The following GLRA1 variants were observed in gnomAD, a reference collection of about 807,000 sequenced individuals.
GLRA1 encodes the protein glycine receptor subunit alpha-1.
Under a neutral mutation model 48.3 loss-of-function variants are expected in GLRA1, and 37 were observed. The observed-to-expected ratio is 0.77, with a 90% CI of 0.59 to 1.01. The LOEUF (loss-of-function observed/expected upper bound fraction) is 1.01. Ranked by LOEUF, GLRA1 falls within the 50% of genes least tolerant of loss-of-function variation. The probability of loss-of-function intolerance (pLI) is 0.00; values close to 1 mark genes in which losing one functional copy is unlikely to be tolerated. For synonymous variants in GLRA1, 196 were observed against 210.7 expected, an observed-to-expected ratio of 0.93 and a Z score of 0.60; for missense variants, 427 against 571.0, an observed-to-expected ratio of 0.75 and a Z score of 2.57.
chr5:151,849,122 T>TTC, intron 7 of GLRA1: 1 of 204,288 alleles, frequency 4.9e-6, no homozygotes, highest in Non-Finnish European at 8.4e-6. Flanking sequence ...CTTTCTTTCT[T>TTC]TCTTTCTTTC....
chr5:151,924,140 G>A (rs1754947920), intron 1 of GLRA1, among the ~76,000 whole-genome samples: 1 of 152,126 alleles, frequency 6.6e-6, no homozygotes, highest in African/African-American at 2.4e-5. Flanking sequence ...AACTCCTAAA[G>A]CTTCCCTTTA....
At chr5:151,824,347 C>T (rs758648040) in intron 8 of GLRA1, among the ~76,000 whole-genome samples, 24 of 151,830 alleles carry the variant, frequency 1.6e-4, no homozygotes, top group Admixed American at 4.6e-4. Context: ...CCATCTGAGT[C>T]GTTATAACAC....
At chr5:151,875,248 G>C (rs1753594485) in intron 3 of GLRA1, among the ~76,000 whole-genome samples, 1 of 151,912 alleles carries the variant, frequency 6.6e-6, no homozygotes, top group South Asian at 2.1e-4. Flanking sequence ...ATAGCTCACT[G>C]CATCCTTAAA....
chr5:151,863,852 G>A (rs1753265630), intron 3 of GLRA1, among the ~76,000 whole-genome samples: 1 of 151,760 alleles, frequency 6.6e-6, no homozygotes, highest in Non-Finnish European at 1.5e-5. Flanking sequence ...CAGTCTGTTT[G>A]CCTATAGAAA....
intron 1 of GLRA1, among the ~76,000 whole-genome samples, chr5:151,893,865 GTA>G (rs1754162945): frequency 6.6e-6 from 1 of 152,114 alleles, no homozygotes; most frequent in Non-Finnish European, 1.5e-5. Flanking sequence ...AATCCTTTGG[GTA>G]TATATTCAGT....
At chr5:151,901,049 T>C (rs1156525340) in intron 1 of GLRA1, among the ~76,000 whole-genome samples, 1 of 152,202 alleles carries the variant, frequency 6.6e-6, no homozygotes, top group East Asian at 1.9e-4. Context: ...CTGATACTCT[T>C]AGTCAGCCCC....
At chr5:151,849,144 CTTTCTTTCTTTTCTTTT>C in intron 7 of GLRA1, 1 of 184,454 alleles carries the variant, frequency 5.4e-6, no homozygotes, top group Non-Finnish European at 9.6e-6. Context: ...TTCTTTCTTT[CTTTCTTTCTTTTCTTTT>C]CTTTTCTTTC....
rs1042680801 is a variant in GLRA1, at chr5:151,832,099, G to A, written c.913-3032C>T. On this transcript the variant is annotated intron_variant, in intron 7 of 8. Transcript: ENST00000274576. ...AAACTAACAAACAGAAAGGAATAGC[G>A]TCAAAATCAACAAAAAGGACATCCA... is the stretch of plus-strand genomic sequence containing the variant. Among the ~76,000 whole-genome samples the A allele has an allele frequency of 4.9e-4, 74 of 152,258 alleles. 1 individual carries two copies. The highest frequency in any genetic ancestry group is 3.4e-3 in the Middle Eastern group (1 of 294).
intron 1 of GLRA1, 51 bp from the exon 2 acceptor site, chr5:151,892,489 C>G: frequency 6.2e-7 from 1 of 1,604,024 alleles, no homozygotes; most frequent in Middle Eastern, 1.7e-4. Flanking sequence ...CTTTCTCATG[C>G]TGTGATCAGA....
intron 1 of GLRA1, among the ~76,000 whole-genome samples, chr5:151,906,710 T>A (rs888800206): frequency 6.6e-6 from 1 of 152,094 alleles, no homozygotes; most frequent in African/African-American, 2.4e-5. Flanking sequence ...CTACATGAGG[T>A]ATGTATTTGT....
At chr5:151,878,226 G>T (rs1047614191) in intron 3 of GLRA1, among the ~76,000 whole-genome samples, 15 of 152,190 alleles carry the variant, frequency 9.9e-5, no homozygotes, top group African/African-American at 3.6e-4. Flanking sequence ...AAAGAGACTG[G>T]CAGCATTTTG....
intron 7 of GLRA1, among the ~76,000 whole-genome samples, chr5:151,840,920 T>C (rs1476615198): frequency 2.0e-5 from 3 of 152,098 alleles, no homozygotes; most frequent in Non-Finnish European, 4.4e-5. Flanking sequence ...AAATAGATAA[T>C]TCAACAATAA....
chr5:151,894,556 C>A (rs6877199), intron 1 of GLRA1, among the ~76,000 whole-genome samples: 69,010 of 151,766 alleles, frequency 0.45, 15,922 homozygotes, highest in East Asian at 0.58. Context: ...ACCCCACTAC[C>A]CCCCATAAAC....
chr5:151,862,082 G>T (rs1383165466), intron 3 of GLRA1, among the ~76,000 whole-genome samples: 1 of 152,122 alleles, frequency 6.6e-6, no homozygotes, highest in African/African-American at 2.4e-5. Context: ...CCAAAACAGA[G>T]ATATAGACCA....
At chr5:151,829,693 C>A (rs544095825) in intron 7 of GLRA1, among the ~76,000 whole-genome samples, 1 of 152,266 alleles carries the variant, frequency 6.6e-6, no homozygotes, top group African/African-American at 2.4e-5. Context: ...TATGTGCAAT[C>A]ATCATCATCA....
intron 6 of GLRA1, among the ~76,000 whole-genome samples, 163 bp downstream of exon 6, chr5:151,854,877 C>A (rs1315220790): frequency 6.6e-6 from 1 of 152,214 alleles, no homozygotes; most frequent in Non-Finnish European, 1.5e-5. Flanking sequence ...CTCCAGGACT[C>A]ACAGGAAGAA....
At chr5:151,850,411 A>G in intron 7 of GLRA1, 1 of 1,211,244 alleles carries the variant, frequency 8.3e-7, no homozygotes, top group South Asian at 1.2e-5. Flanking sequence ...ATTCCTGGGA[A>G]CAGGAAGTGT....
intron 3 of GLRA1, 36 bp downstream of exon 3, chr5:151,886,685 A>G (rs775324699): frequency 1.1e-5 from 15 of 1,394,520 alleles, no homozygotes; most frequent in Admixed American, 1.7e-5. Flanking sequence ...AGATATCTCC[A>G]GCAGGAACTA....
rs536144531 is a variant in GLRA1, at chr5:151,853,777, T to A, written c.697+1263A>T. Among the ~76,000 whole-genome samples, 99 of 152,304 alleles carry A rather than the reference T, an allele frequency of 6.5e-4. 1 individual carries two copies. Among genetic ancestry groups the A allele is most frequent in the Middle Eastern group, 3.4e-3 (1 of 294 alleles). Reference sequence around the variant, plus strand: ...TTTGGTGTTATATCTAGGAATCTATTGCCAAATCTAAGATTAGGAAGATTT... The same window carrying A: ...TTTGGTGTTATATCTAGGAATCTATAGCCAAATCTAAGATTAGGAAGATTT... On this transcript the variant is annotated intron_variant, in intron 6 of 8. Transcript: ENST00000274576.
Sources: allele counts gnomAD v4.1 joint callset (sites outside exome capture counted in the v4.1 genomes callset), GRCh38; gene constraint gnomAD v4.1.1; transcripts MANE v1.5; gene names NCBI Gene and HGNC (gene_info 2026-07-23, HGNC 2026-07-21).